Variants in VIT observed in about 807,000 individuals in gnomAD.
VIT encodes the protein vitrin.
A neutral mutation model predicts 78.0 loss-of-function variants in VIT; 99 were observed. The observed-to-expected ratio is 1.27, with a 90% CI of 1.08 to 1.50. The LOEUF (loss-of-function observed/expected upper bound fraction) is 1.50, where lower values mean the gene tolerates loss of function less well. Ranked by LOEUF, VIT falls within the 40% of genes most tolerant of loss-of-function variation. The pLI is 0.00. For synonymous variants in VIT, 374 were observed against 334.3 expected, an observed-to-expected ratio of 1.12 and a Z score of -1.29; for missense variants, 1,126 against 875.3, an observed-to-expected ratio of 1.29 and a Z score of -3.61.
intron 2 of VIT, among the ~76,000 whole-genome samples, chr2:36,723,774 A>G (rs1399517136): frequency 6.6e-6 from 1 of 152,028 alleles, no homozygotes; most frequent in East Asian, 1.9e-4. Context: ...TAACATAGTG[A>G]GGCTCTGTCT....
At chr2:36,734,214 C>T (rs571987336) in intron 3 of VIT, among the ~76,000 whole-genome samples, 1 of 152,162 alleles carries the variant, frequency 6.6e-6, no homozygotes, top group Non-Finnish European at 1.5e-5. Flanking sequence ...AAGACAAAGG[C>T]GTCTTACAAA....
intron 9 of VIT, among the ~76,000 whole-genome samples, chr2:36,780,104 A>G (rs1664639880): frequency 6.6e-6 from 1 of 152,246 alleles, no homozygotes; most frequent in Non-Finnish European, 1.5e-5. Context: ...ACCAAGTCTC[A>G]GCTGTCCAAA....
intron 4 of VIT, among the ~76,000 whole-genome samples, chr2:36,748,975 A>G (rs1408494468): frequency 1.3e-5 from 2 of 152,210 alleles, no homozygotes; most frequent in Non-Finnish European, 2.9e-5. Flanking sequence ...TTAACTGAGC[A>G]TCCCGTGTTT....
Position 36,775,085 on chromosome 2 carries a change from T to C in VIT, c.802+18T>C, listed in dbSNP as rs200887015. 3 of 1,613,168 alleles carry C rather than the reference T, an allele frequency of 1.9e-6. No homozygotes were observed. The African/African-American group carries it at 4.0e-5, about 22-fold the overall frequency. ...CAGCCTGGGTAAGCTGCCCACTGCT[T>C]ACCATCTCTGCTCCCTAGGAATTTG... On this transcript the variant is annotated intron_variant, in intron 9 of 15. Coordinates refer to ENST00000379242, the MANE Select transcript of VIT (RefSeq NM_053276.4).
intron 4 of VIT, among the ~76,000 whole-genome samples, chr2:36,743,803 A>T (rs1377025231): frequency 2.7e-5 from 4 of 149,760 alleles, no homozygotes; most frequent in African/African-American, 9.8e-5. Flanking sequence ...CTCTTTTTTA[A>T]TTTTTTTTTT....
chr2:36,758,474 G>A (rs1168731913), intron 5 of VIT, among the ~76,000 whole-genome samples: 1 of 152,092 alleles, frequency 6.6e-6, no homozygotes, highest in African/African-American at 2.4e-5. Flanking sequence ...CCCTGGGTGA[G>A]CAACACATGG....
chr2:36,754,519 C>A (rs1357808177), intron 4 of VIT, among the ~76,000 whole-genome samples: 1 of 152,124 alleles, frequency 6.6e-6, no homozygotes, highest in African/African-American at 2.4e-5. Flanking sequence ...GGAGTGTTTA[C>A]TTTTCATCAT....
chr2:36,764,118 A>G (rs755141699), intron 6 of VIT, among the ~76,000 whole-genome samples: 11 of 152,246 alleles, frequency 7.2e-5, no homozygotes, highest in Non-Finnish European at 1.3e-4. Flanking sequence ...TGACAAAAAG[A>G]TAATTCCGAT....
chr2:36,806,753 TG>T (rs1666759516), intron 14 of VIT, among the ~76,000 whole-genome samples: 1 of 152,076 alleles, frequency 6.6e-6, no homozygotes, highest in Non-Finnish European at 1.5e-5. Flanking sequence ...TTAGTAGAGA[TG>T]GGGTTTCACC....
In VIT at chr2:36,808,139, G is replaced by A. The variant is rs1572580756; in HGVS notation, c.1390-333G>A. 2.0e-5 allele frequency among the ~76,000 whole-genome samples: 3 copies of A among 152,220 alleles called. No individual in the cohort carries two copies. The South Asian group carries it at 6.2e-4, about 31-fold the overall frequency. ...CCCACGAATTCCAATCTTATGGCTG[G>A]CTGCCAGTACAAAGGAGGAGCCCGG... On this transcript the variant is annotated intron_variant, in intron 14 of 15. Transcript: ENST00000379242.
In VIT at chr2:36,781,845, A is replaced by T. The variant is rs974345775; in HGVS notation, c.847+74A>T. 2.5e-6 allele frequency: 4 copies of T among 1,573,388 alleles called. No homozygotes were observed. In the African/African-American group the frequency reaches 4.1e-5, roughly 16 times the overall value. Reference sequence around the variant, plus strand: ...GGATAGCAGAACTAAGAGTCTAATAATCCAGCTGGCATAGCGGCCGAGCTC... The same window carrying T: ...GGATAGCAGAACTAAGAGTCTAATATTCCAGCTGGCATAGCGGCCGAGCTC... On this transcript the variant is annotated intron_variant, in intron 10 of 15. Coordinates refer to ENST00000379242, the MANE Select transcript of VIT (RefSeq NM_053276.4).
intron 7 of VIT, among the ~76,000 whole-genome samples, chr2:36,772,751 T>C (rs1572513454): frequency 1.3e-5 from 2 of 152,306 alleles, no homozygotes; most frequent in South Asian, 4.1e-4. Context: ...ACTTTGAAAT[T>C]GTGTCAAATA....
chr2:36,781,633 A>C, intron 9 of VIT, 94 bp from the exon 10 acceptor site: 18 of 1,435,906 alleles, frequency 1.3e-5, no homozygotes, highest in Non-Finnish European at 1.7e-5. Flanking sequence ...TTCAGACACA[A>C]TTGGGAAACC....
chr2:36,784,624 A>T (rs1026928266), intron 11 of VIT, among the ~76,000 whole-genome samples: 4 of 152,250 alleles, frequency 2.6e-5, no homozygotes, highest in African/African-American at 9.6e-5. Flanking sequence ...GCATTAGTCT[A>T]TAAAATGGTA....
intron 2 of VIT, among the ~76,000 whole-genome samples, chr2:36,719,852 G>A (rs904284747): frequency 1.3e-5 from 2 of 152,106 alleles, no homozygotes; most frequent in African/African-American, 2.4e-5. Context: ...GAGGTGGGAA[G>A]ATCACCTGAG....
chr2:36,780,537 A>G (rs1460045063), intron 9 of VIT, among the ~76,000 whole-genome samples: 2 of 152,200 alleles, frequency 1.3e-5, no homozygotes, highest in African/African-American at 2.4e-5. Flanking sequence ...ATTACTTACA[A>G]AGAAATTAAG....
intron 6 of VIT, 52 bp downstream of exon 6, chr2:36,759,098 G>T (rs181008151): frequency 6.2e-7 from 1 of 1,614,134 alleles, no homozygotes; most frequent in East Asian, 2.2e-5. Context: ...ATGAACACGC[G>T]ACGTGTTTTG....
intron 2 of VIT, among the ~76,000 whole-genome samples, chr2:36,720,133 G>GA (rs1227861472): frequency 1.3e-5 from 2 of 151,516 alleles, no homozygotes; most frequent in Non-Finnish European, 2.9e-5. Context: ...CAGAAATTTG[G>GA]AAAAAAAATT....
chr2:36,715,362 C>T (rs1469381792), intron 1 of VIT, among the ~76,000 whole-genome samples: 1 of 151,968 alleles, frequency 6.6e-6, no homozygotes, highest in Non-Finnish European at 1.5e-5. Flanking sequence ...GATGGTGAAA[C>T]CCAGTCTCTA....
Sources: allele counts gnomAD v4.1 joint callset (sites outside exome capture counted in the v4.1 genomes callset), GRCh38; gene constraint gnomAD v4.1.1; transcripts MANE v1.5; gene names NCBI Gene and HGNC (gene_info 2026-07-23, HGNC 2026-07-21).